DDX60: variants seen among roughly 807,000 people sequenced by gnomAD.
The protein encoded by DDX60 is DExD/H-box helicase 60.
A neutral mutation model predicts 212.8 loss-of-function variants in DDX60; 165 were observed. The ratio of observed to expected loss-of-function variants is 0.78; its 90% CI spans 0.68 to 0.88. The LOEUF (loss-of-function observed/expected upper bound fraction) is 0.88. Ranked by LOEUF, DDX60 falls within the 40% of genes least tolerant of loss-of-function variation. The pLI, the probability that DDX60 is intolerant of heterozygous loss-of-function variation, is 0.00. For synonymous variants in DDX60, 703 were observed against 685.3 expected, an observed-to-expected ratio of 1.03 and a Z score of -0.40; for missense variants, 1,905 against 2,003.9, an observed-to-expected ratio of 0.95 and a Z score of 0.94.
intron 1 of DDX60, among the ~76,000 whole-genome samples, chr4:168,315,076 T>C (rs572412393): frequency 6.6e-6 from 1 of 152,356 alleles, no homozygotes; most frequent in East Asian, 1.9e-4. Context: ...TGAAATATAC[T>C]ATAGTTCTAT....
intron 26 of DDX60, among the ~76,000 whole-genome samples, chr4:168,253,909 T>C (rs1296335273): frequency 6.6e-6 from 1 of 152,214 alleles, no homozygotes; most frequent in African/African-American, 2.4e-5. Flanking sequence ...TTTTTAAATT[T>C]TTCTCTTAGC....
At chr4:168,243,649 T>C (rs750311455) in intron 30 of DDX60, among the ~76,000 whole-genome samples, 2 of 152,212 alleles carry the variant, frequency 1.3e-5, no homozygotes, top group African/African-American at 2.4e-5. Context: ...TTTTACACTG[T>C]TGCTGGGAGT....
chr4:168,277,744 GC>G (rs1735406453), intron 14 of DDX60, among the ~76,000 whole-genome samples: 1 of 149,176 alleles, frequency 6.7e-6, no homozygotes, highest in Non-Finnish European at 1.5e-5. Context: ...AGGAGGCAGA[GC>G]TTGCAGTGAG....
intron 34 of DDX60, 147 bp from the exon 35 acceptor site, chr4:168,224,532 G>T: frequency 1.4e-6 from 1 of 713,256 alleles, no homozygotes; most frequent in Non-Finnish European, 2.3e-6. Flanking sequence ...TATCGCATAA[G>T]GTTAGTAGCA....
chr4:168,243,311 G>A (rs1298069486), intron 30 of DDX60, among the ~76,000 whole-genome samples: 1 of 152,058 alleles, frequency 6.6e-6, no homozygotes, highest in Non-Finnish European at 1.5e-5. Flanking sequence ...CAAAAGAAAT[G>A]ATCATCAGAG....
intron 27 of DDX60, 98 bp downstream of exon 27, chr4:168,252,411 T>G: frequency 7.2e-7 from 1 of 1,388,178 alleles, no homozygotes; most frequent in African/African-American, 1.5e-5. Flanking sequence ...AATTATGTAT[T>G]ATATTATGCA....
Position 168,220,644 on chromosome 4 carries a change from A to G in DDX60, c.5039+11T>C. The G allele has an allele frequency of 7.4e-7, 1 of 1,343,980 alleles. No individual in the cohort carries two copies. The highest frequency in any genetic ancestry group is 1.0e-6 in the Non-Finnish European group (1 of 988,504). The allele number at this position is 1,343,980 out of a possible 1,614,324, so 83.3% of individuals were successfully genotyped here. A position where few individuals can be genotyped will look rare whatever the true frequency, so the allele number is the denominator to read the frequency against. On this transcript the variant is annotated intron_variant, in intron 37 of 37. Transcript: ENST00000393743. ...AAAAATCTAAAATCAATATTTAAAT[A>G]TATAACACACCTGATAGATTTAATG...
intron 33 of DDX60, among the ~76,000 whole-genome samples, chr4:168,234,818 C>T (rs1476609161): frequency 2.0e-5 from 3 of 152,094 alleles, no homozygotes; most frequent in Middle Eastern, 3.4e-3. Flanking sequence ...CCCCCATTTT[C>T]GTGTTTGGCC....
At chr4:168,239,898 A>T (rs1184054545) in intron 30 of DDX60, among the ~76,000 whole-genome samples, 2 of 152,190 alleles carry the variant, frequency 1.3e-5, no homozygotes, top group Non-Finnish European at 2.9e-5. Context: ...AGCAAAAAAA[A>T]AAAGTTGTTT....
At chr4:168,280,202 G>A (rs1025340289) in intron 14 of DDX60, 133 bp downstream of exon 14, 5 of 1,176,736 alleles carry the variant, frequency 4.2e-6, no homozygotes, top group Non-Finnish European at 6.0e-6. Context: ...CTATTGTAAA[G>A]GTAATAATGT....
intron 6 of DDX60, among the ~76,000 whole-genome samples, chr4:168,297,292 A>AGG (rs1281634771): frequency 7.3e-6 from 1 of 137,200 alleles, no homozygotes; most frequent in Non-Finnish European, 1.5e-5. Flanking sequence ...AAAGAGAGAG[A>AGG]GAGACGAAAG....
At position 168,273,945 on chromosome 4, in the gene DDX60, C is replaced by A. The variant is rs748264005; in HGVS notation, c.2443G>T (p.Ala815Ser). ...CACTTGAGCACTACCTTTGTGGGTGCAACGTACACGACCACCCCGTCGTCG... is the reference window on the plus strand; with the variant it reads ...CACTTGAGCACTACCTTTGTGGGTGAAACGTACACGACCACCCCGTCGTCG... ...ESDDGVVVYVAPTKALVNQVA... is the reference protein window; with the variant it reads ...ESDDGVVVYVSPTKALVNQVA... The change falls in exon 17 of 38, where the codon GCA becomes TCA. Residue 815 changes from alanine to serine, a missense_variant. Ala to Ser is a moderately conservative substitution (Grantham distance 99). Coordinates refer to ENST00000393743, the MANE Select transcript of DDX60 (RefSeq NM_017631.6). The A allele has an allele frequency of 4.3e-6, 7 of 1,613,466 alleles. No individual in the cohort carries two copies. In the East Asian group the frequency reaches 1.1e-4, roughly 26 times the overall value.
At chr4:168,302,483 A>C in intron 5 of DDX60, 67 bp from the exon 6 acceptor site, 1 of 661,218 alleles carries the variant, frequency 1.5e-6, no homozygotes, top group Non-Finnish European at 2.3e-6. Flanking sequence ...CCAACTATAG[A>C]AAATTACATA....
chr4:168,319,648 G>C (rs149295341), upstream of DDX60, among the ~76,000 whole-genome samples: 3 of 152,102 alleles, frequency 2.0e-5, no homozygotes, highest in East Asian at 1.9e-4. Flanking sequence ...TGTGGGTTTC[G>C]ATACTCATCT....
At chr4:168,297,988 C>T (rs1736480373) in intron 6 of DDX60, among the ~76,000 whole-genome samples, 1 of 151,426 alleles carries the variant, frequency 6.6e-6, no homozygotes, top group Non-Finnish European at 1.5e-5. Flanking sequence ...CCACTATACA[C>T]AATAAATGAG....
At chr4:168,277,839 A>G (rs1168606424) in intron 14 of DDX60, among the ~76,000 whole-genome samples, 1 of 152,142 alleles carries the variant, frequency 6.6e-6, no homozygotes, top group East Asian at 1.9e-4. Context: ...AAAAAAAAGA[A>G]AATTCCAGAA....
At chr4:168,297,402 A>AAGAC (rs1400098766) in intron 6 of DDX60, among the ~76,000 whole-genome samples, 2 of 147,116 alleles carry the variant, frequency 1.4e-5, no homozygotes, top group South Asian at 2.1e-4. Context: ...GAAAGAAAGA[A>AAGAC]AGACAATAAA....
intron 5 of DDX60, among the ~76,000 whole-genome samples, chr4:168,302,695 A>G (rs1421592130): frequency 6.6e-6 from 1 of 152,162 alleles, no homozygotes; most frequent in African/African-American, 2.4e-5. Flanking sequence ...TTACAATTCA[A>G]TGGCTGTTAG....
chr4:168,225,200 T>C (rs1420272892), intron 34 of DDX60, among the ~76,000 whole-genome samples: 4 of 152,164 alleles, frequency 2.6e-5, no homozygotes, highest in South Asian at 2.1e-4. Context: ...TCTGTGTTTA[T>C]GAAAACTAAG....
Sources: gnomAD v4.1 joint callset for allele counts (sites outside exome capture counted in the v4.1 genomes callset) on GRCh38, gnomAD v4.1.1 for gene constraint, MANE v1.5 for transcripts, NCBI Gene and HGNC (gene_info 2026-07-23, HGNC 2026-07-21) for gene names.